The following CSMD1 variants were observed in gnomAD, a reference collection of about 807,000 sequenced individuals.
CSMD1 encodes CUB and Sushi multiple domains 1, also known as CUB and sushi domain-containing protein 1.
A neutral mutation model predicts 417.5 loss-of-function variants in CSMD1; 213 were observed. The ratio of observed to expected loss-of-function variants is 0.51; its 90% CI spans 0.46 to 0.57. The LOEUF is 0.57. Ranked by LOEUF, CSMD1 falls within the 20% of genes least tolerant of loss-of-function variation. The pLI is 0.00. For synonymous variants in CSMD1, 2,862 were observed against 1,736.8 expected, an observed-to-expected ratio of 1.65 and a Z score of -16.11; for missense variants, 6,923 against 4,529.7, an observed-to-expected ratio of 1.53 and a Z score of -15.17.
chr8:3,762,015 G>A (rs1257098426), intron 5 of CSMD1, among the ~76,000 whole-genome samples: 4 of 151,898 alleles, frequency 2.6e-5, no homozygotes, highest in Non-Finnish European at 2.9e-5. Context: ...CTCTAGCCAC[G>A]GCCTTTAGCT....
At chr8:4,071,983 G>T (rs962880626) in intron 3 of CSMD1, among the ~76,000 whole-genome samples, 6 of 152,262 alleles carry the variant, frequency 3.9e-5, no homozygotes, top group African/African-American at 1.4e-4. Flanking sequence ...TCCTTTCTGG[G>T]ATTCCTCCCT....
intron 1 of CSMD1, among the ~76,000 whole-genome samples, chr8:4,886,405 A>G (rs1803743558): frequency 6.6e-6 from 1 of 151,928 alleles, no homozygotes. Flanking sequence ...TTTTCTTGAT[A>G]ATGTTTTGTT....
chr8:4,475,004 G>C (rs975208155), intron 2 of CSMD1, among the ~76,000 whole-genome samples: 4 of 152,168 alleles, frequency 2.6e-5, no homozygotes, highest in African/African-American at 2.4e-5. Context: ...TGGGGGAGTT[G>C]AAAGTTTTAT....
intron 3 of CSMD1, among the ~76,000 whole-genome samples, chr8:4,104,169 C>T (rs940185699): frequency 2.0e-5 from 3 of 152,212 alleles, no homozygotes; most frequent in African/African-American, 4.8e-5. Context: ...CCTTGATTTT[C>T]ACTGGAATTT....
chr8:3,108,787 T>C (rs1198241158), intron 43 of CSMD1, 39 bp from the exon 44 acceptor site: 1 of 1,564,868 alleles, frequency 6.4e-7, no homozygotes, highest in Non-Finnish European at 8.7e-7. Flanking sequence ...TAAGGATATT[T>C]ACTTCTGAGT....
At chr8:4,793,504 C>G (rs1383926275) in intron 1 of CSMD1, among the ~76,000 whole-genome samples, 2 of 151,964 alleles carry the variant, frequency 1.3e-5, no homozygotes, top group African/African-American at 2.4e-5. Flanking sequence ...TCCCTGGTTC[C>G]CAGACACCTA....
At chr8:3,923,226 T>C (rs1809402818) in intron 5 of CSMD1, among the ~76,000 whole-genome samples, 1 of 152,052 alleles carries the variant, frequency 6.6e-6, no homozygotes, top group Non-Finnish European at 1.5e-5. Flanking sequence ...TATTGTTTCC[T>C]TGTCTGGTGG....
intron 5 of CSMD1, among the ~76,000 whole-genome samples, chr8:3,893,422 A>T (rs1807134249): frequency 6.9e-6 from 1 of 144,504 alleles, no homozygotes; most frequent in Non-Finnish European, 1.5e-5. Context: ...CAAAATCTGG[A>T]TCAACTCCTG....
intron 5 of CSMD1, among the ~76,000 whole-genome samples, chr8:3,872,099 C>T (rs1805517102): frequency 6.6e-6 from 1 of 152,172 alleles, no homozygotes; most frequent in Admixed American, 6.5e-5. Flanking sequence ...TTTTGGTTTT[C>T]TCAAATTTCT....
intron 3 of CSMD1, among the ~76,000 whole-genome samples, chr8:4,184,735 T>C (rs1377254269): frequency 6.6e-6 from 1 of 151,254 alleles, no homozygotes; most frequent in African/African-American, 2.4e-5. Context: ...GAAAAATAAC[T>C]AATGGGTACT....
intron 3 of CSMD1, among the ~76,000 whole-genome samples, chr8:4,113,021 G>T (rs1459485692): frequency 6.6e-6 from 1 of 152,114 alleles, no homozygotes; most frequent in African/African-American, 2.4e-5. Context: ...AGTGGTCAAT[G>T]ATCCTTGATG....
intron 3 of CSMD1, among the ~76,000 whole-genome samples, chr8:4,041,747 C>T (rs1459395800): frequency 6.6e-6 from 1 of 152,068 alleles, no homozygotes; most frequent in East Asian, 1.9e-4. Context: ...TGTTCTCAGT[C>T]AGGTGATGAT....
chr8:3,884,713 G>A (rs975350578), intron 5 of CSMD1, among the ~76,000 whole-genome samples: 2 of 152,012 alleles, frequency 1.3e-5, no homozygotes, highest in Non-Finnish European at 2.9e-5. Flanking sequence ...CTGAGAAAAT[G>A]TCCATGATTG....
intron 5 of CSMD1, among the ~76,000 whole-genome samples, chr8:3,924,242 G>C (rs887447716): frequency 6.6e-6 from 1 of 152,164 alleles, no homozygotes; most frequent in Non-Finnish European, 1.5e-5. Context: ...GAAAGATGCT[G>C]ATGTTCTTGT....
intron 50 of CSMD1, among the ~76,000 whole-genome samples, chr8:3,051,026 G>A (rs1811783976): frequency 6.6e-6 from 1 of 152,200 alleles, no homozygotes. Context: ...AGCCATTGTG[G>A]AAAGCAGTGT....
chr8:3,830,591 T>C (rs913804272), intron 5 of CSMD1, among the ~76,000 whole-genome samples: 16 of 152,154 alleles, frequency 1.1e-4, no homozygotes, highest in African/African-American at 3.6e-4. Context: ...GAATGATTGT[T>C]TGCAAGCAAC....
At chr8:4,624,936 G>C (rs1211087108) in intron 2 of CSMD1, among the ~76,000 whole-genome samples, 1 of 152,138 alleles carries the variant, frequency 6.6e-6, no homozygotes, top group Non-Finnish European at 1.5e-5. Flanking sequence ...TCCTGGTAGA[G>C]AACAGCAGTT....
At chr8:2,942,335 G>T (rs1395876544) in intron 69 of CSMD1, 137 bp downstream of exon 69, 2 of 816,608 alleles carry the variant, frequency 2.4e-6, no homozygotes, top group Non-Finnish European at 3.6e-6. Context: ...CAAAATAAAA[G>T]TTGATTTAAA....
chr8:4,309,481 G>A (rs532824659), intron 3 of CSMD1, among the ~76,000 whole-genome samples: 5 of 151,936 alleles, frequency 3.3e-5, no homozygotes, highest in African/African-American at 1.2e-4. Flanking sequence ...AATATTAAAT[G>A]CATTTTCTCT....
Sources: allele counts gnomAD v4.1 joint callset (sites outside exome capture counted in the v4.1 genomes callset), GRCh38; gene constraint gnomAD v4.1.1; transcripts MANE v1.5; gene names NCBI Gene and HGNC (gene_info 2026-07-23, HGNC 2026-07-21).